SPTLC1: variants seen among roughly 807,000 people sequenced by gnomAD.
SPTLC1 encodes serine palmitoyltransferase long chain base subunit 1, also known as serine palmitoyltransferase 1.
SPTLC1 carries 55 observed loss-of-function variants against 68.9 expected under a neutral mutation model. The observed-to-expected ratio is 0.80, with a 90% CI of 0.64 to 1.00. The LOEUF (loss-of-function observed/expected upper bound fraction) is 1.00. Ranked by LOEUF, SPTLC1 falls within the 50% of genes least tolerant of loss-of-function variation. The pLI, the probability that SPTLC1 is intolerant of heterozygous loss-of-function variation, is 0.00. For missense variants in SPTLC1, 449 were observed against 573.1 expected (o/e 0.78, Z 2.21); for synonymous variants, 197 against 201.6 (o/e 0.98, Z 0.19).
intron 3 of SPTLC1, among the ~76,000 whole-genome samples, chr9:92,103,515 C>A (rs1458957794): frequency 6.6e-6 from 1 of 152,242 alleles, no homozygotes; most frequent in African/African-American, 2.4e-5. Context: ...CAAAGCCTGG[C>A]TGGGCCATGA....
chr9:92,096,336 G>A (rs547593320), intron 3 of SPTLC1, among the ~76,000 whole-genome samples: 1 of 152,132 alleles, frequency 6.6e-6, no homozygotes, highest in East Asian at 1.9e-4. Context: ...ATGTGGTGAT[G>A]GATATGTTAA....
chr9:92,050,171 A>C, intron 8 of SPTLC1, 104 bp from the exon 9 acceptor site: 1 of 757,832 alleles, frequency 1.3e-6, no homozygotes, highest in Non-Finnish European at 2.3e-6. Flanking sequence ...GACTCTCAAT[A>C]CTTGTGAATT....
Position 92,050,931 on chromosome 9 carries a change from G to A in SPTLC1, c.781-864C>T, listed in dbSNP as rs553449375. 192 of 943,776 alleles carry A rather than the reference G, an allele frequency of 2.0e-4. 2 individuals are homozygous for A. The South Asian group carries it at 7.5e-3, about 37-fold the overall frequency. 58.5% of individuals were successfully genotyped at this position (943,776 alleles called of 1,614,324 possible). ...GGGCTCAAGTGATTCTCCTACCTCC[G>A]CCACCCAAAGTGTTGGGATTAAAGG... On this transcript the variant is annotated intron_variant, in intron 8 of 14. Transcript: ENST00000262554.
At chr9:92,037,364 C>A (rs537737659) in intron 13 of SPTLC1, among the ~76,000 whole-genome samples, 3 of 152,310 alleles carry the variant, frequency 2.0e-5, no homozygotes, top group Admixed American at 6.5e-5. Flanking sequence ...CATTTTCATT[C>A]TCAAATACAT....
chr9:92,050,284 A>G (rs1587918792), intron 8 of SPTLC1: 1 of 498,632 alleles, frequency 2.0e-6, no homozygotes, highest in East Asian at 3.6e-5. Context: ...AGCAGTGAAG[A>G]ATTTGAATTA....
intron 3 of SPTLC1, among the ~76,000 whole-genome samples, chr9:92,085,414 T>C (rs1835081831): frequency 6.6e-6 from 1 of 152,002 alleles, no homozygotes; most frequent in African/African-American, 2.4e-5. Context: ...CTGCTTTGAA[T>C]GTGTCCCAGA....
intron 14 of SPTLC1, among the ~76,000 whole-genome samples, chr9:92,033,094 G>A (rs975913112): frequency 1.4e-4 from 21 of 152,118 alleles, no homozygotes; most frequent in Non-Finnish European, 2.6e-4. Flanking sequence ...GGGTTGCTGC[G>A]GCAGGGAATC....
chr9:92,075,289 C>T (rs1373573017), intron 5 of SPTLC1, among the ~76,000 whole-genome samples: 2 of 152,194 alleles, frequency 1.3e-5, no homozygotes, highest in Non-Finnish European at 2.9e-5. Flanking sequence ...CAAACAACTA[C>T]TCCTCTCCTT....
intron 3 of SPTLC1, among the ~76,000 whole-genome samples, chr9:92,082,628 C>G (rs1834929391): frequency 6.6e-6 from 1 of 151,908 alleles, no homozygotes; most frequent in South Asian, 2.1e-4. Context: ...TTTTCTTAAT[C>G]CAGTCTATCA....
In SPTLC1 at chr9:92,034,827, C is replaced by T. The variant is rs2118346724; in HGVS notation, c.1311G>A (p.Lys437=). 1 of 1,614,120 alleles carries T rather than the reference C, an allele frequency of 6.2e-7. No homozygotes were observed. The highest frequency in any genetic ancestry group is 8.5e-7 in the Non-Finnish European group (1 of 1,179,992). ...TQARYLEKEE[K]CLPPPSIRVV... ...CAACTGACCTGGGAGGAGGGAGACA[C>T]TTCTCTTCTTTCTCCAAGTAGCGCG... Residue 437 remains lysine, a synonymous_variant, in exon 14 of 15, where the codon AAG becomes AAA. Coordinates refer to ENST00000262554, the MANE Select transcript of SPTLC1 (RefSeq NM_006415.4).
At chr9:92,095,517 T>C (rs958354391) in intron 3 of SPTLC1, among the ~76,000 whole-genome samples, 3 of 152,150 alleles carry the variant, frequency 2.0e-5, no homozygotes, top group Admixed American at 6.5e-5. Flanking sequence ...CAGAAGAATA[T>C]GTAGCAGTCA....
Position 92,040,629 on chromosome 9 carries a change from G to A in SPTLC1, c.1137-2264C>T, listed in dbSNP as rs1390908851. Among the ~76,000 whole-genome samples, 9 of 151,360 alleles carry A rather than the reference G, an allele frequency of 5.9e-5. No individual in the cohort carries two copies. In the East Asian group the frequency reaches 9.9e-4, roughly 17 times the overall value. On this transcript the variant is annotated intron_variant, in intron 12 of 14. Transcript: ENST00000262554. ...AAAAATTAGCCAGGTGTGGTGGCAC[G>A]TGCCTGTAATCCCAGCTACTCAGGA...
chr9:92,069,549 C>T (rs537153298), intron 5 of SPTLC1, among the ~76,000 whole-genome samples: 1 of 152,330 alleles, frequency 6.6e-6, no homozygotes, highest in South Asian at 2.1e-4. Context: ...CTGTATCTGA[C>T]AGCCGCCCTC....
intron 3 of SPTLC1, among the ~76,000 whole-genome samples, chr9:92,099,179 G>T (rs1433771285): frequency 6.6e-6 from 1 of 152,204 alleles, no homozygotes; most frequent in African/African-American, 2.4e-5. Flanking sequence ...GCAGAGCAAG[G>T]TTGCTGCATG....
intron 3 of SPTLC1, among the ~76,000 whole-genome samples, chr9:92,089,575 A>G (rs137894460): frequency 8.1e-4 from 123 of 152,334 alleles, no homozygotes; most frequent in African/African-American, 2.5e-3. Flanking sequence ...TTACCAAGAG[A>G]TGCAAAAATA....
chr9:92,076,031 T>G (rs55939422), intron 5 of SPTLC1, among the ~76,000 whole-genome samples: 25,603 of 152,174 alleles, frequency 0.17, 2,380 homozygotes, highest in Admixed American at 0.21. Flanking sequence ...GTCTCACTCA[T>G]CTATCACTGA....
intron 3 of SPTLC1, among the ~76,000 whole-genome samples, chr9:92,084,815 G>T (rs954742637): frequency 8.1e-4 from 123 of 152,106 alleles, no homozygotes; most frequent in African/African-American, 2.5e-3. Flanking sequence ...CAGAAGGAAT[G>T]GTACCAGTTC....
chr9:92,103,844 C>A (rs1204832499), intron 3 of SPTLC1, among the ~76,000 whole-genome samples: 3 of 152,184 alleles, frequency 2.0e-5, no homozygotes, highest in Non-Finnish European at 2.9e-5. Context: ...CCACTGGGTG[C>A]CAGCCAGCAC....
At chr9:92,078,864 CA>C (rs1282532107) in intron 5 of SPTLC1, among the ~76,000 whole-genome samples, 1 of 152,092 alleles carries the variant, frequency 6.6e-6, no homozygotes, top group Non-Finnish European at 1.5e-5. Flanking sequence ...ATGTAATCAC[CA>C]AACTAGCTTA....
Sources: allele counts gnomAD v4.1 joint callset (sites outside exome capture counted in the v4.1 genomes callset), GRCh38; gene constraint gnomAD v4.1.1; transcripts MANE v1.5; gene names NCBI Gene and HGNC (gene_info 2026-07-23, HGNC 2026-07-21).